Variants in MS4A2 observed in about 807,000 individuals in gnomAD.
The protein encoded by MS4A2 is membrane spanning 4-domains A2, also known as high affinity immunoglobulin epsilon receptor subunit beta.
In MS4A2, 26 loss-of-function variants were observed where a neutral mutation model predicts 27.9. That is an observed-to-expected ratio of 0.93 (90% confidence interval 0.68 to 1.29). The LOEUF (loss-of-function observed/expected upper bound fraction) is 1.29, where lower values mean the gene tolerates loss of function less well. MS4A2 is among the 50% of genes most tolerant of loss of function. MS4A2 has a pLI of 0.00. For synonymous variants in MS4A2, 110 were observed against 98.8 expected, an observed-to-expected ratio of 1.11 and a Z score of -0.67; for missense variants, 284 against 284.6, an observed-to-expected ratio of 1.00 and a Z score of 0.01.
chr11:60,093,674 T>G (rs996989103), intron 5 of MS4A2, 116 bp downstream of exon 5: 1 of 1,408,782 alleles, frequency 7.1e-7, no homozygotes, highest in African/African-American at 1.4e-5. Context: ...TTACACAGTA[T>G]AGTGGTTCTG....
chr11:60,091,255 T>C (rs913034521), intron 3 of MS4A2, among the ~76,000 whole-genome samples: 2 of 152,226 alleles, frequency 1.3e-5, no homozygotes, highest in African/African-American at 4.8e-5. Flanking sequence ...TATGGTGACC[T>C]TCTATGCCCT....
At chr11:60,089,259 C>G (rs1212870690) in intron 1 of MS4A2, among the ~76,000 whole-genome samples, 2 of 152,200 alleles carry the variant, frequency 1.3e-5, no homozygotes, top group Non-Finnish European at 2.9e-5. Context: ...AGAGTCCCAT[C>G]TAGCTATTCA....
intron 2 of MS4A2, 138 bp downstream of exon 2, chr11:60,089,959 C>A: frequency 8.8e-7 from 1 of 1,132,454 alleles, no homozygotes; most frequent in Non-Finnish European, 1.2e-6. Context: ...AAAGAGTTGA[C>A]ACTAACTGGG....
At chr11:60,090,506 C>T (rs369132107) in intron 3 of MS4A2, 36 bp downstream of exon 3, 56 of 1,601,024 alleles carry the variant, frequency 3.5e-5, no homozygotes, top group Non-Finnish European at 4.5e-5. Context: ...TGAAATAACA[C>T]TGAACATAGG....
In MS4A2 at chr11:60,090,487, A is replaced by G; in HGVS notation, c.321+17A>G. The G allele has an allele frequency of 6.2e-7, 1 of 1,610,872 alleles. No homozygotes were observed. Among genetic ancestry groups the G allele is most frequent in the Non-Finnish European group, 8.5e-7 (1 of 1,179,052 alleles). ...GCCATATTTGTGAGTATATATCTAT[A>G]ATTGTTTCTGAAATAACACTGAACA... is the stretch of plus-strand genomic sequence containing the variant. On this transcript the variant is annotated intron_variant, in intron 3 of 6. Coordinates refer to ENST00000278888, the MANE Select transcript of MS4A2 (RefSeq NM_000139.5).
intron 4 of MS4A2, 41 bp downstream of exon 4, chr11:60,092,889 TAAG>T (rs748687458): frequency 2.2e-5 from 35 of 1,581,310 alleles, no homozygotes; most frequent in South Asian, 7.8e-5. Flanking sequence ...CTTGAAAAGA[TAAG>T]AAGAACAGAG....
chr11:60,095,440 A>T, intron 6 of MS4A2, 118 bp from the exon 7 acceptor site: 1 of 722,500 alleles, frequency 1.4e-6, no homozygotes, highest in Non-Finnish European at 2.5e-6. Flanking sequence ...ATCAGAGTTT[A>T]ATGACAGAGA....
rs1173714204 is a variant in MS4A2 at position 60,093,544 on chromosome 11, G to A, written c.523G>A (p.Ala175Thr). ...QKFFETKCFM[A>T]SFSTEIVVMM... ...ATTTTTTGAGACCAAGTGCTTTATG[G>A]CTTCCTTTTCCACTGTATGTATTTT... is the stretch of plus-strand genomic sequence containing the variant. Residue 175 changes from alanine to threonine, a missense_variant, in exon 5 of 7, where the codon GCT becomes ACT. Physicochemically the swap from Ala to Thr is moderately conservative, Grantham distance 58. Coordinates refer to ENST00000278888, the MANE Select transcript of MS4A2 (RefSeq NM_000139.5). 1.2e-6 allele frequency: 2 copies of A among 1,614,154 alleles called. No individual in the cohort carries two copies. The highest frequency in any genetic ancestry group is 1.1e-5 in the South Asian group (1 of 91,082).
intron 3 of MS4A2, 140 bp from the exon 4 acceptor site, chr11:60,092,652 A>G (rs1192397295): frequency 1.4e-6 from 1 of 722,736 alleles, no homozygotes; most frequent in Non-Finnish European, 2.4e-6. Context: ...AGAATAAGAA[A>G]ATATTGGGCT....
At chr11:60,089,903 C>T (rs1855726431) in intron 2 of MS4A2, 82 bp downstream of exon 2, 2 of 1,570,904 alleles carry the variant, frequency 1.3e-6, no homozygotes, top group Non-Finnish European at 1.7e-6. Context: ...TGTTTTCCCA[C>T]TTGGATTCAT....
rs192588309 is a variant in MS4A2, at chr11:60,093,238, T to C, written c.379-162T>C. Among the ~76,000 whole-genome samples, 4 of 152,356 alleles carry C rather than the reference T, an allele frequency of 2.6e-5. No homozygotes were observed. In the East Asian group the frequency reaches 7.7e-4, roughly 29 times the overall value. On this transcript the variant is annotated intron_variant, in intron 4 of 6. Coordinates refer to ENST00000278888, the MANE Select transcript of MS4A2 (RefSeq NM_000139.5). ...GGCAGTCCAGTGAGAAAGTAATATA[T>C]GCTCATTAAACAATGCGGACATTTT... is the stretch of plus-strand genomic sequence containing the variant.
intron 1 of MS4A2, 48 bp from the exon 2 acceptor site, chr11:60,089,644 G>A (rs1178744272): frequency 6.2e-7 from 1 of 1,612,958 alleles, no homozygotes; most frequent in African/African-American, 1.3e-5. Context: ...ATGTTGCACA[G>A]GGAGTTACAG....
At chr11:60,092,357 A>G (rs1837785) in intron 3 of MS4A2, among the ~76,000 whole-genome samples, 1,663 of 149,132 alleles carry the variant, frequency 0.011, 36 homozygotes, top group African/African-American at 0.039. Flanking sequence ...GTGCAATGGC[A>G]TGATCTTGGC....
chr11:60,093,802 T>TTGTGTGTGTGTGTGTGTG lies in MS4A2; in HGVS notation c.538-144_538-127dup, dbSNP rs60162275. The TTGTGTGTGTGTGTGTGTG allele has an allele frequency of 1.6e-4, 102 of 640,472 alleles. No individual in the cohort carries two copies. In the East Asian group the frequency reaches 2.2e-3, roughly 14 times the overall value. The allele number at this position is 640,472 out of a possible 1,614,324, so 39.7% of individuals were successfully genotyped here. A position where few individuals can be genotyped will look rare whatever the true frequency, so the allele number is the denominator to read the frequency against. Reference sequence around the variant, plus strand: ...TCTCTGGGTTTTTCTGTGCCTGTGTTTGTGTGTGTGTGTGTGTGTGTGTGT... The same window carrying TTGTGTGTGTGTGTGTGTG: ...TCTCTGGGTTTTTCTGTGCCTGTGTTTGTGTGTGTGTGTGTGTGTGTGTGTGTGTGTGTGTGTGTGTGT... On this transcript the variant is annotated intron_variant, in intron 5 of 6. Transcript: ENST00000278888.
At chr11:60,089,911 C>A in intron 2 of MS4A2, 90 bp downstream of exon 2, 1 of 1,542,378 alleles carries the variant, frequency 6.5e-7, no homozygotes. Flanking sequence ...CACTTGGATT[C>A]ATGAGAGGTG....
chr11:60,094,307 G>A (rs1386875070), intron 6 of MS4A2, among the ~76,000 whole-genome samples: 13 of 152,192 alleles, frequency 8.5e-5, no homozygotes. Context: ...GTTAGAAAAT[G>A]CCTTAAAGTG....
At chr11:60,088,843 T>C (rs1378459147) in intron 1 of MS4A2, 22 bp downstream of exon 1, 9 of 1,602,266 alleles carry the variant, frequency 5.6e-6, no homozygotes, top group Non-Finnish European at 7.7e-6. Context: ...GTATTATTTT[T>C]TTCTACCCTC....
chr11:60,090,794 C>T (rs1480907173), intron 3 of MS4A2, among the ~76,000 whole-genome samples: 1 of 152,166 alleles, frequency 6.6e-6, no homozygotes, highest in East Asian at 1.9e-4. Flanking sequence ...CAGGAACATA[C>T]TTCTAGCACT....
chr11:60,094,500 C>T (rs1254756981), intron 6 of MS4A2, among the ~76,000 whole-genome samples: 1 of 152,128 alleles, frequency 6.6e-6, no homozygotes, highest in Non-Finnish European at 1.5e-5. Flanking sequence ...TTCATGACTA[C>T]CAAATGTTTC....
Sources: allele counts gnomAD v4.1 joint callset (sites outside exome capture counted in the v4.1 genomes callset), GRCh38; gene constraint gnomAD v4.1.1; transcripts MANE v1.5; gene names NCBI Gene and HGNC (gene_info 2026-07-23, HGNC 2026-07-21).